DNAJC3: variants seen among roughly 807,000 people sequenced by gnomAD.
DNAJC3 encodes dnaJ homolog subfamily C member 3.
Under a neutral mutation model 68.6 loss-of-function variants are expected in DNAJC3, and 38 were observed. The ratio of observed to expected loss-of-function variants is 0.55; its 90% confidence interval spans 0.43 to 0.73. The LOEUF is 0.73. Among genes scored for constraint, DNAJC3 ranks in the 30% least tolerant of loss-of-function variants. The probability of loss-of-function intolerance (pLI) is 0.00; values close to 1 mark genes in which losing one functional copy is unlikely to be tolerated. For synonymous variants in DNAJC3, 203 were observed against 204.0 expected (o/e 1.00, Z 0.04); for missense variants, 526 against 591.9 (o/e 0.89, Z 1.16).
rs1221521690 is a variant in DNAJC3, at chr13:95,771,340, A to T, written c.1075+7387A>T. On this transcript the variant is annotated intron_variant, in intron 9 of 11. Coordinates refer to ENST00000602402, the MANE Select transcript of DNAJC3 (RefSeq NM_006260.5). ...TGTTAAAGACAGTAAGTCAGACTTT[A>T]TTCAAGGGGGACTATGGTGACAGGT... Among the ~76,000 whole-genome samples, 4 of 152,190 alleles carry T rather than the reference A, an allele frequency of 2.6e-5. No homozygotes were observed. The South Asian group carries it at 6.2e-4, about 24-fold the overall frequency.
chr13:95,684,524 T>C (rs1481002277), intron 1 of DNAJC3, among the ~76,000 whole-genome samples: 1 of 152,158 alleles, frequency 6.6e-6, no homozygotes, highest in Non-Finnish European at 1.5e-5. Flanking sequence ...AGTCTGACCA[T>C]GTGGTAGAAA....
intron 4 of DNAJC3, among the ~76,000 whole-genome samples, chr13:95,752,597 C>T (rs1403536761): frequency 6.6e-6 from 1 of 152,126 alleles, no homozygotes; most frequent in East Asian, 1.9e-4. Flanking sequence ...AAACTCCACT[C>T]GCGATTATAT....
chr13:95,789,774 A>G (rs1338831175), intron 11 of DNAJC3, among the ~76,000 whole-genome samples: 1 of 131,946 alleles, frequency 7.6e-6, no homozygotes, highest in African/African-American at 2.6e-5. Flanking sequence ...ATAGTGTATA[A>G]GCGTTCCTTT....
In DNAJC3 at chr13:95,735,468, C is replaced by T. The variant is rs1438154966; in HGVS notation, c.393+10216C>T. ...TAAAAGTGTTCCTATTTCTCCACAT[C>T]CTCTCCAGCACCTGTTGTTTCCTGA... On this transcript the variant is annotated intron_variant, in intron 4 of 11. Transcript: ENST00000602402. 2.8e-5 allele frequency among the ~76,000 whole-genome samples: 4 copies of T among 140,918 alleles called. No homozygotes were observed. In the South Asian group the frequency reaches 7.2e-4, roughly 25 times the overall value. 92.4% of individuals were successfully genotyped at this position (140,918 alleles called of 152,430 possible).
At chr13:95,727,428 T>C (rs970885257) in intron 4 of DNAJC3, among the ~76,000 whole-genome samples, 1 of 152,218 alleles carries the variant, frequency 6.6e-6, no homozygotes, top group Non-Finnish European at 1.5e-5. Flanking sequence ...TCTTTGGCAG[T>C]CATACTTGTA....
At chr13:95,785,747 A>G (rs1832462589) in intron 9 of DNAJC3, among the ~76,000 whole-genome samples, 192 bp from the exon 10 acceptor site, 1 of 151,736 alleles carries the variant, frequency 6.6e-6, no homozygotes, top group African/African-American at 2.4e-5. Flanking sequence ...CACAGGCATG[A>G]GCCCCTGTGC....
chr13:95,744,315 G>A (rs1882239375), intron 4 of DNAJC3, among the ~76,000 whole-genome samples: 1 of 152,114 alleles, frequency 6.6e-6, no homozygotes, highest in South Asian at 2.1e-4. Flanking sequence ...TACTCACCTT[G>A]TACTTAATTC....
chr13:95,763,394 T>C (rs17886087), intron 7 of DNAJC3, among the ~76,000 whole-genome samples: 2,278 of 152,282 alleles, frequency 0.015, 60 homozygotes, highest in African/African-American at 0.052. Context: ...GATTGGTACT[T>C]ATACTCACAG....
Position 95,760,856 on chromosome 13 carries a change from C to T in DNAJC3, c.848+58C>T, listed in dbSNP as rs144561300. On this transcript the variant is annotated intron_variant, in intron 7 of 11. Coordinates refer to ENST00000602402, the MANE Select transcript of DNAJC3 (RefSeq NM_006260.5). ...TTCCTTATGTGCGGGGCTGTGGGCA[C>T]AAGTGAACTACAGAACTGCTCTTTT... The T allele has an allele frequency of 7.0e-6, 11 of 1,577,542 alleles. No homozygotes were observed. The African/African-American group carries it at 1.2e-4, about 17-fold the overall frequency.
At chr13:95,767,931 C>G (rs1223821333) in intron 9 of DNAJC3, among the ~76,000 whole-genome samples, 1 of 151,854 alleles carries the variant, frequency 6.6e-6, no homozygotes, top group Non-Finnish European at 1.5e-5. Context: ...TCTTGAACTC[C>G]TGACCTCATG....
At chr13:95,751,338 CT>C in intron 4 of DNAJC3, among the ~76,000 whole-genome samples, 1 of 152,320 alleles carries the variant, frequency 6.6e-6, no homozygotes, top group East Asian at 1.9e-4. Context: ...TACAGAGAAA[CT>C]TGTGAGAAGT....
rs747723256 is a variant in DNAJC3 at position 95,760,817 on chromosome 13, C to T, written c.848+19C>T. ...ATGGCAGGTGAGAATATGGTTGTTC[C>T]AACTGTCCAGCCATTCCTTATGTGC... On this transcript the variant is annotated intron_variant, in intron 7 of 11. Transcript: ENST00000602402. 2 of 1,606,304 alleles carry T rather than the reference C, an allele frequency of 1.2e-6. No individual in the cohort carries two copies. The highest frequency in any genetic ancestry group is 1.3e-5 in the African/African-American group (1 of 74,754).
At chr13:95,725,912 A>C (rs1269688017) in intron 4 of DNAJC3, among the ~76,000 whole-genome samples, 3 of 145,492 alleles carry the variant, frequency 2.1e-5, no homozygotes, top group African/African-American at 7.6e-5. Context: ...CCTATGAGTG[A>C]GAACATGCGG....
intron 10 of DNAJC3, 139 bp downstream of exon 10, chr13:95,786,210 A>T: frequency 5.2e-6 from 5 of 956,720 alleles, no homozygotes; most frequent in Non-Finnish European, 1.5e-6. Context: ...AACAGTCTTT[A>T]ACATTAGAAA....
chr13:95,708,621 G>C (rs1048350442), intron 1 of DNAJC3, among the ~76,000 whole-genome samples: 1 of 152,004 alleles, frequency 6.6e-6, no homozygotes, highest in East Asian at 1.9e-4. Context: ...AAGAAGGCCT[G>C]CCCTTTACGC....
intron 4 of DNAJC3, among the ~76,000 whole-genome samples, chr13:95,755,969 C>G (rs1340350590): frequency 1.3e-5 from 2 of 152,218 alleles, no homozygotes; most frequent in East Asian, 3.9e-4. Flanking sequence ...AGCTCACTCC[C>G]TCTTTCCTGT....
chr13:95,738,129 A>G (rs1340029739), intron 4 of DNAJC3, among the ~76,000 whole-genome samples: 4 of 149,630 alleles, frequency 2.7e-5, no homozygotes, highest in African/African-American at 9.8e-5. Flanking sequence ...GTAGTTGAGC[A>G]GTTTTGAGTG....
At chr13:95,717,182 T>G (rs1369265841) in intron 2 of DNAJC3, among the ~76,000 whole-genome samples, 1 of 152,216 alleles carries the variant, frequency 6.6e-6, no homozygotes, top group Non-Finnish European at 1.5e-5. Context: ...AGTGGTAGAT[T>G]AAATGGTGGG....
At chr13:95,701,496 C>T (rs1566473283) in intron 1 of DNAJC3, among the ~76,000 whole-genome samples, 1 of 152,130 alleles carries the variant, frequency 6.6e-6, no homozygotes, top group East Asian at 1.9e-4. Flanking sequence ...CTGGCCATCC[C>T]CCTGTAACAG....
Sources: gnomAD v4.1 joint callset for allele counts (sites outside exome capture counted in the v4.1 genomes callset) on GRCh38, gnomAD v4.1.1 for gene constraint, MANE v1.5 for transcripts, NCBI Gene and HGNC (gene_info 2026-07-23, HGNC 2026-07-21) for gene names.